COPA: variants seen among roughly 807,000 people sequenced by gnomAD.
COPA encodes the protein coatomer subunit alpha.
A neutral mutation model predicts 158.7 loss-of-function variants in COPA; 10 were observed. The ratio of observed to expected loss-of-function variants is 0.06; its 90% CI spans 0.04 to 0.11. COPA has a LOEUF of 0.11. Ranked by LOEUF, COPA falls within the 10% of genes least tolerant of loss-of-function variation. COPA has a pLI of 1.00. For synonymous variants in COPA, 462 were observed against 542.8 expected, an observed-to-expected ratio of 0.85 and a Z score of 2.07; for missense variants, 1,065 against 1,536.7, an observed-to-expected ratio of 0.69 and a Z score of 5.13.
At chr1:160,304,863 CA>C (rs1167945819) in intron 17 of COPA, among the ~76,000 whole-genome samples, 1 of 152,072 alleles carries the variant, frequency 6.6e-6, no homozygotes, top group Non-Finnish European at 1.5e-5. Context: ...GTAGAACTGA[CA>C]AACTGTGGCA....
intron 23 of COPA, 108 bp from the exon 24 acceptor site, chr1:160,294,965 G>A (rs972314050): frequency 1.3e-6 from 1 of 792,898 alleles, no homozygotes; most frequent in African/African-American, 1.7e-5. Context: ...CCAAGCTTCT[G>A]CCTACTTACT....
intron 6 of COPA, 71 bp downstream of exon 6, chr1:160,332,377 C>A: frequency 1.0e-6 from 1 of 980,148 alleles, no homozygotes; most frequent in Non-Finnish European, 1.6e-6. Context: ...GTCAACTCTC[C>A]TCACTATTTT....
intron 17 of COPA, among the ~76,000 whole-genome samples, chr1:160,302,700 G>A (rs544181819): frequency 7.2e-5 from 11 of 151,748 alleles, no homozygotes; most frequent in Admixed American, 1.3e-4. Flanking sequence ...GACTACAGGC[G>A]CCCACCACCA....
At chr1:160,334,125 C>G (rs1647657320) in intron 4 of COPA, among the ~76,000 whole-genome samples, 1 of 152,144 alleles carries the variant, frequency 6.6e-6, no homozygotes, top group South Asian at 2.1e-4. Context: ...GCAAGCAAAG[C>G]AGAAAGTAAC....
chr1:160,319,310 A>C (rs535683043), intron 8 of COPA, among the ~76,000 whole-genome samples: 1 of 152,132 alleles, frequency 6.6e-6, no homozygotes, highest in East Asian at 1.9e-4. Flanking sequence ...TATAATGATA[A>C]AGGGGTCAAT....
At chr1:160,327,985 T>C (rs993658721) in intron 6 of COPA, among the ~76,000 whole-genome samples, 1 of 152,242 alleles carries the variant, frequency 6.6e-6, no homozygotes, top group Admixed American at 6.5e-5. Context: ...TCTCTTCTGT[T>C]ATGGTGGCAC....
chr1:160,320,887 G>A (rs889075035), intron 8 of COPA, among the ~76,000 whole-genome samples: 1 of 149,020 alleles, frequency 6.7e-6, no homozygotes, highest in Non-Finnish European at 1.5e-5. Flanking sequence ...ACCAGGCAAG[G>A]ACACCACAAA....
Position 160,325,564 on chromosome 1 carries a change from T to A in COPA, c.585A>T (p.Ala195=), listed in dbSNP as rs1425515175. ...TGVDLFGTTD[A]VVKHVLEGHD... ...GTACCTCTAGTACATGCTTCACCAC[T>A]GCATCTGTAGTTCCAAATAGATCAA... The change falls in exon 7 of 33, where the codon GCA becomes GCT. Residue 195 remains alanine (A), a synonymous_variant. Transcript: ENST00000241704. The A allele has an allele frequency of 1.9e-6, 3 of 1,614,142 alleles. No homozygotes were observed. In the Admixed American group the frequency reaches 5.0e-5, roughly 27 times the overall value.
intron 11 of COPA, 45 bp downstream of exon 11, chr1:160,311,823 G>A: frequency 6.4e-7 from 1 of 1,566,786 alleles, no homozygotes; most frequent in Non-Finnish European, 8.7e-7. Context: ...TTGTATCAGG[G>A]TGACAGATGA....
At position 160,295,820 on chromosome 1, in the gene COPA, G is replaced by A. The variant is rs879887676; in HGVS notation, c.2392C>T (p.Pro798Ser). ...GTATCCAATGGCATGATAGGTGCAG[G>A]TGGCTGGAGCAGCTTGGCATTAGGG... ...IDPNAKLLQP[P>S]APIMPLDTNW... Residue 798 changes from proline (P) to serine (S), a missense_variant, in exon 23 of 33, where the codon CCT becomes TCT. By Grantham distance (74) the Pro-to-Ser change is moderately conservative. This residue lies in a region of COPA where 980 missense variants were observed against 1,357.8 expected (regional missense o/e 0.72). Coordinates refer to ENST00000241704, the MANE Select transcript of COPA (RefSeq NM_004371.4). 1.2e-6 allele frequency: 2 copies of A among 1,613,134 alleles called. No homozygotes were observed. Among genetic ancestry groups the A allele is most frequent in the African/African-American group, 1.3e-5 (1 of 74,840 alleles).
In COPA at chr1:160,314,071, C is replaced by G; in HGVS notation, c.761G>C (p.Cys254Ser). ...CTCTTGGCGAGGGTGGAAGACGGCA[C>G]AAGATACATTGTTGTAATGGCCCCG... Reference protein sequence around the residue: ...TCRGHYNNVSCAVFHPRQELI... With the variant: ...TCRGHYNNVSSAVFHPRQELI... Residue 254 changes from cysteine to serine, a missense_variant, in exon 9 of 33, where the codon TGT becomes TCT. Transcript: ENST00000241704. 1 of 1,612,652 alleles carries G rather than the reference C, an allele frequency of 6.2e-7. No individual in the cohort carries two copies. Among genetic ancestry groups the G allele is most frequent in the Non-Finnish European group, 8.5e-7 (1 of 1,179,542 alleles).
intron 9 of COPA, among the ~76,000 whole-genome samples, chr1:160,313,459 G>A (rs150043668): frequency 0.014 from 2,080 of 151,868 alleles, 46 homozygotes; most frequent in African/African-American, 0.042. Flanking sequence ...CTGTTGCCCA[G>A]GCTGGAGTGC....
chr1:160,323,623 G>T (rs1057371718), intron 7 of COPA, 93 bp from the exon 8 acceptor site: 3 of 938,658 alleles, frequency 3.2e-6, no homozygotes, highest in African/African-American at 3.4e-5. Flanking sequence ...AAATGTCTCT[G>T]ATTTATTCTT....
rs769019740 is a variant in COPA at position 160,325,507 on chromosome 1, A to G, written c.606+36T>C. The stretch of plus-strand genomic sequence containing the variant: ...CATACTGTGACTTTCCCAAGATGAC[A>G]GCCCATATTCAGCCCCTGGCTATAA... On this transcript the variant is annotated intron_variant, in intron 7 of 32. Transcript: ENST00000241704. 3.3e-6 allele frequency: 5 copies of G among 1,519,206 alleles called. No individual in the cohort carries two copies. In the South Asian group the frequency reaches 5.6e-5, roughly 17 times the overall value. The allele number at this position is 1,519,206 out of a possible 1,614,324, so 94.1% of individuals were successfully genotyped here. A position where few individuals can be genotyped will look rare whatever the true frequency, so the allele number is the denominator to read the frequency against.
At chr1:160,329,037 C>CT (rs373595651) in intron 6 of COPA, among the ~76,000 whole-genome samples, 7 of 152,330 alleles carry the variant, frequency 4.6e-5, no homozygotes, top group South Asian at 2.1e-4. Context: ...AAGCACTGGT[C>CT]TTTAACAGAT....
intron 13 of COPA, 59 bp from the exon 14 acceptor site, chr1:160,307,304 G>C: frequency 6.5e-7 from 1 of 1,529,450 alleles, no homozygotes; most frequent in Non-Finnish European, 9.1e-7. Flanking sequence ...AGGTGACATA[G>C]TCGGGTGCCA....
At chr1:160,323,362 G>A in intron 8 of COPA, 69 bp downstream of exon 8, 2 of 1,284,288 alleles carry the variant, frequency 1.6e-6, no homozygotes, top group Non-Finnish European at 2.2e-6. Context: ...GAGTCCAGAA[G>A]ACCTGGCTAC....
intron 6 of COPA, among the ~76,000 whole-genome samples, chr1:160,330,446 C>T (rs1170043451): frequency 6.6e-6 from 1 of 152,132 alleles, no homozygotes; most frequent in East Asian, 1.9e-4. Context: ...TACAACTGCC[C>T]TATCTCCAAT....
chr1:160,323,284 T>C (rs545477869), intron 8 of COPA, 147 bp downstream of exon 8: 1 of 426,850 alleles, frequency 2.3e-6, no homozygotes, highest in Admixed American at 4.2e-5. Flanking sequence ...ATATATTTTA[T>C]TTGTAAAATA....
Sources: gnomAD v4.1 joint callset for allele counts (sites outside exome capture counted in the v4.1 genomes callset) on GRCh38, gnomAD v4.1.1 for gene constraint, gnomAD v4.1.1 regional missense constraint, MANE v1.5 for transcripts, NCBI Gene and HGNC (gene_info 2026-07-23, HGNC 2026-07-21) for gene names.